Variants in ASTN2 observed in about 807,000 individuals in gnomAD.
The protein encoded by ASTN2 is astrotactin-2.
In ASTN2, 54 loss-of-function variants were observed where a neutral mutation model predicts 139.8. The observed-to-expected ratio is 0.39, with a 90% CI of 0.31 to 0.48. The LOEUF (loss-of-function observed/expected upper bound fraction) is 0.48. Ranked by LOEUF, ASTN2 falls within the 20% of genes least tolerant of loss-of-function variation. The pLI is 0.95. For synonymous variants in ASTN2, 756 were observed against 719.5 expected, an observed-to-expected ratio of 1.05 and a Z score of -0.81; for missense variants, 1,565 against 1,725.1, an observed-to-expected ratio of 0.91 and a Z score of 1.64.
intron 13 of ASTN2, among the ~76,000 whole-genome samples, chr9:116,750,831 T>C (rs1829380354): frequency 6.6e-6 from 1 of 152,224 alleles, no homozygotes; most frequent in South Asian, 2.1e-4. Context: ...CTGGAAATTA[T>C]TGTTAAGTGC....
chr9:116,964,708 A>C (rs1412662322), intron 10 of ASTN2, among the ~76,000 whole-genome samples: 1 of 152,204 alleles, frequency 6.6e-6, no homozygotes, highest in Non-Finnish European at 1.5e-5. Flanking sequence ...ATAGCTTTTA[A>C]ATATAAGTGA....
rs560070682 is a variant in ASTN2, at chr9:117,404,436, C to T, written c.442+10061G>A. Among the ~76,000 whole-genome samples, 8 of 152,188 alleles carry T rather than the reference C, an allele frequency of 5.3e-5. No homozygotes were observed. The East Asian group carries it at 5.8e-4, about 11-fold the overall frequency. Reference sequence around the variant, plus strand: ...GGACCTTGGAAAATGTATTTGTCTTCGCTACATAGATGAAGGAGTTGGGTT... The same window carrying T: ...GGACCTTGGAAAATGTATTTGTCTTTGCTACATAGATGAAGGAGTTGGGTT... On this transcript the variant is annotated intron_variant, in intron 1 of 22. Transcript: ENST00000313400.
intron 2 of ASTN2, among the ~76,000 whole-genome samples, chr9:117,291,100 T>C (rs1834578717): frequency 6.6e-6 from 1 of 152,246 alleles, no homozygotes; most frequent in African/African-American, 2.4e-5. Flanking sequence ...GACCCTTTAT[T>C]TTCTTCTCTG....
intron 16 of ASTN2, among the ~76,000 whole-genome samples, chr9:116,683,832 TG>T (rs999182777): frequency 5.2e-4 from 10 of 19,296 alleles, no homozygotes; most frequent in African/African-American, 2.5e-3. Context: ...AGTAAGAATC[TG>T]TTTTTGTCTT....
At chr9:116,894,901 C>A (rs1833846928) in intron 10 of ASTN2, among the ~76,000 whole-genome samples, 1 of 152,292 alleles carries the variant, frequency 6.6e-6, no homozygotes, top group African/African-American at 2.4e-5. Context: ...ACAATAGATA[C>A]TATGATGTAG....
At chr9:116,941,506 C>T (rs1180335126) in intron 10 of ASTN2, among the ~76,000 whole-genome samples, 1 of 150,312 alleles carries the variant, frequency 6.7e-6, no homozygotes, top group African/African-American at 2.5e-5. Context: ...GAAGGGTGAG[C>T]TGCTTGTTCT....
intron 2 of ASTN2, among the ~76,000 whole-genome samples, chr9:117,283,562 T>A (rs890599556): frequency 6.6e-6 from 1 of 152,162 alleles, no homozygotes; most frequent in Non-Finnish European, 1.5e-5. Flanking sequence ...ATGGGTGCAG[T>A]GAGGTTAAGA....
At chr9:116,756,541 A>G (rs1829536569) in intron 13 of ASTN2, among the ~76,000 whole-genome samples, 1 of 152,068 alleles carries the variant, frequency 6.6e-6, no homozygotes, top group African/African-American at 2.4e-5. Flanking sequence ...TCCATTTCCC[A>G]AAGCCACAGA....
intron 10 of ASTN2, among the ~76,000 whole-genome samples, chr9:116,959,664 G>A (rs1835822896): frequency 6.6e-6 from 1 of 152,118 alleles, no homozygotes; most frequent in Admixed American, 6.6e-5. Context: ...GCTCAGAAAG[G>A]ACAGCCAGGC....
chr9:117,165,472 G>A (rs183526829), intron 3 of ASTN2, among the ~76,000 whole-genome samples: 3 of 152,196 alleles, frequency 2.0e-5, no homozygotes, highest in Admixed American at 2.0e-4. Flanking sequence ...CCAGATTGAA[G>A]TGATTCCCAT....
At chr9:117,109,011 A>G (rs1217520275) in intron 4 of ASTN2, among the ~76,000 whole-genome samples, 3 of 152,106 alleles carry the variant, frequency 2.0e-5, no homozygotes, top group African/African-American at 7.2e-5. Flanking sequence ...CCGGCTGGGC[A>G]TGGTGACTCA....
chr9:116,569,192 G>A (rs1033003493), intron 19 of ASTN2, among the ~76,000 whole-genome samples: 4 of 152,144 alleles, frequency 2.6e-5, no homozygotes, highest in Non-Finnish European at 4.4e-5. Flanking sequence ...AGAATCAGAC[G>A]GGCCTCGTTT....
intron 19 of ASTN2, among the ~76,000 whole-genome samples, chr9:116,559,512 T>C (rs1302309724): frequency 6.6e-6 from 1 of 152,214 alleles, no homozygotes; most frequent in African/African-American, 2.4e-5. Context: ...AGTGTGTTTG[T>C]GTATGTACAT....
At chr9:117,360,901 G>C (rs1208300403) in intron 1 of ASTN2, among the ~76,000 whole-genome samples, 1 of 152,146 alleles carries the variant, frequency 6.6e-6, no homozygotes, top group South Asian at 2.1e-4. Flanking sequence ...GCTTCTAATA[G>C]AAACAGTTTT....
chr9:117,077,685 C>G (rs1265708527), intron 5 of ASTN2, among the ~76,000 whole-genome samples: 1 of 152,092 alleles, frequency 6.6e-6, no homozygotes, highest in Non-Finnish European at 1.5e-5. Flanking sequence ...CAGATGGAGG[C>G]TGCAGTGAGC....
chr9:116,640,511 G>C (rs1857275561), intron 17 of ASTN2, among the ~76,000 whole-genome samples: 1 of 152,100 alleles, frequency 6.6e-6, no homozygotes, highest in Non-Finnish European at 1.5e-5. Context: ...TGGAAAGAAG[G>C]GGAAAAATAC....
In ASTN2 at chr9:117,300,662, A is replaced by G. The variant is rs530591095; in HGVS notation, c.443-9149T>C. ...CATTTCATAATTCTAAGAGATCCTGATGTCAGGCCAGGTTAAATGCCCACA... is the reference window on the plus strand; with the variant it reads ...CATTTCATAATTCTAAGAGATCCTGGTGTCAGGCCAGGTTAAATGCCCACA... On this transcript the variant is annotated intron_variant, in intron 1 of 22. Coordinates refer to ENST00000313400, the MANE Select transcript of ASTN2 (RefSeq NM_001365068.1). Among the ~76,000 whole-genome samples, 6 of 152,294 alleles carry G rather than the reference A, an allele frequency of 3.9e-5. No individual in the cohort carries two copies. The South Asian group carries it at 1.2e-3, about 32-fold the overall frequency.
At chr9:117,035,065 G>A (rs1838345134) in intron 6 of ASTN2, among the ~76,000 whole-genome samples, 1 of 152,166 alleles carries the variant, frequency 6.6e-6, no homozygotes, top group African/African-American at 2.4e-5. Context: ...ACCACGGACA[G>A]CTCAATGTGT....
intron 2 of ASTN2, among the ~76,000 whole-genome samples, chr9:117,271,229 C>T (rs1472211933): frequency 6.6e-6 from 1 of 152,108 alleles, no homozygotes; most frequent in Non-Finnish European, 1.5e-5. Context: ...TACGTGGTGG[C>T]AGCAAGAGAA....
Sources: gnomAD v4.1 joint callset for allele counts (sites outside exome capture counted in the v4.1 genomes callset) on GRCh38, gnomAD v4.1.1 for gene constraint, MANE v1.5 for transcripts, NCBI Gene and HGNC (gene_info 2026-07-23, HGNC 2026-07-21) for gene names.